GNL3L: variants seen among roughly 807,000 people sequenced by gnomAD.
The protein encoded by GNL3L is guanine nucleotide-binding protein-like 3-like protein.
In GNL3L, 4 loss-of-function variants were observed where a neutral mutation model predicts 42.9. That is an observed-to-expected ratio of 0.09 (90% CI 0.05 to 0.21). The LOEUF (loss-of-function observed/expected upper bound fraction) is 0.21, where lower values mean the gene tolerates loss of function less well. Ranked by LOEUF, GNL3L falls within the 10% of genes least tolerant of loss-of-function variation. GNL3L has a pLI of 1.00. For synonymous variants in GNL3L, 159 were observed against 176.3 expected, an observed-to-expected ratio of 0.90 and a Z score of 0.78; for missense variants, 412 against 481.7, an observed-to-expected ratio of 0.86 and a Z score of 1.36.
rs761656016 is a variant in GNL3L at position 54,617,570 on chromosome X, G to A, written c.*46-3275G>A. Among the ~76,000 whole-genome samples the A allele has an allele frequency of 1.5e-4, 17 of 112,019 alleles. No homozygotes were observed. In the South Asian group the frequency reaches 6.3e-3, roughly 42 times the overall value. On this transcript the variant is annotated intron_variant, in intron 16 of 16. Coordinates refer to the GNL3L transcript ENST00000674498. Reference sequence around the variant, plus strand: ...GCTTTCAGAAACTTCTCTGGTTGCTGGGGTCTGAATGTGTACTCCCTTCCC... The same window carrying A: ...GCTTTCAGAAACTTCTCTGGTTGCTAGGGTCTGAATGTGTACTCCCTTCCC...
At chrX:54,552,144 C>A in intron 12 of GNL3L, 148 bp from the exon 13 acceptor site, 2 of 773,022 alleles carry the variant, frequency 2.6e-6, no homozygotes, top group Non-Finnish European at 3.9e-6. Flanking sequence ...CAGTGATTAT[C>A]CAGCAACTCA....
At chrX:54,570,151 A>T (rs999117550), downstream of GNL3L, among the ~76,000 whole-genome samples, 2 of 111,860 alleles carry the variant, frequency 1.8e-5, no homozygotes, top group African/African-American at 6.5e-5. Flanking sequence ...AGAGAGGACT[A>T]TCGAAGTCCC....
rs1569542605 is a variant in GNL3L, at chrX:54,607,060, CTTTCTTTCTTTCTCTTTCTTTCTTCTT to C, written c.*46-13783_*46-13757del. ...TCTTTCTTTCTTTCTTTCTTTCTTT[CTTTCTTTCTTTCTCTTTCTTTCTTCTT>C]TCTTTCTTTCTTTCTTTCTTTCTTT... On this transcript the variant is annotated intron_variant, in intron 16 of 16. Coordinates refer to the GNL3L transcript ENST00000674498. Among the ~76,000 whole-genome samples the C allele has an allele frequency of 1.9e-3, 73 of 37,548 alleles. 3 individuals are homozygous for C. Among genetic ancestry groups the C allele is most frequent in the African/African-American group, 8.7e-3 (71 of 8,200 alleles). 32.6% of individuals were successfully genotyped at this position (37,548 alleles called of 115,157 possible).
intron 16 of GNL3L, among the ~76,000 whole-genome samples, chrX:54,607,068 CTTTCTCTTTCTTTCT>C (rs1926092058): frequency 7.8e-4 from 28 of 36,061 alleles, no homozygotes; most frequent in African/African-American, 3.4e-3. Context: ...TTCTTTCTTT[CTTTCTCTTTCTTTCT>C]TCTTTCTTTC....
chrX:54,643,004 CTTCCCATT>C, the GNL3L span, among the ~76,000 whole-genome samples: 1 of 112,061 alleles, frequency 8.9e-6, no homozygotes, highest in Non-Finnish European at 1.9e-5. Context: ...TTGTCTACAT[CTTCCCATT>C]TTCCATGCAT....
rs558411597 is a variant in GNL3L, at chrX:54,531,604, T to C, written c.-47-916T>C. Among the ~76,000 whole-genome samples the C allele has an allele frequency of 9.0e-5, 10 of 111,296 alleles. 1 individual carries two copies. The South Asian group carries it at 3.4e-3, about 38-fold the overall frequency. Reference sequence around the variant, plus strand: ...CTTCAACCAGCATAAAAGATGAAAGTTGTCACAGTCCACCTTCCATAGAAG... The same window carrying C: ...CTTCAACCAGCATAAAAGATGAAAGCTGTCACAGTCCACCTTCCATAGAAG... On this transcript the variant is annotated intron_variant, in intron 1 of 15. Coordinates refer to ENST00000360845, the MANE Select transcript of GNL3L (RefSeq NM_001184819.2).
intron 4 of GNL3L, among the ~76,000 whole-genome samples, chrX:54,541,066 C>T (rs1431002641): frequency 8.9e-6 from 1 of 111,799 alleles, no homozygotes. Flanking sequence ...GCTTTTTATA[C>T]CCTCTTTTCT....
chrX:54,643,814 T>C, the GNL3L span, among the ~76,000 whole-genome samples: 657 of 111,285 alleles, frequency 5.9e-3, 5 homozygotes, highest in African/African-American at 0.02. Flanking sequence ...ATCCTACTAC[T>C]CTCTACCTCC....
intron 16 of GNL3L, among the ~76,000 whole-genome samples, chrX:54,581,704 T>A (rs1297843950): frequency 8.9e-6 from 1 of 112,531 alleles, no homozygotes; most frequent in Non-Finnish European, 1.9e-5. Flanking sequence ...TTAGAGTAAT[T>A]CTTTGGAGAT....
intron 15 of GNL3L, among the ~76,000 whole-genome samples, chrX:54,559,745 T>C (rs1409413372): frequency 8.9e-6 from 1 of 111,828 alleles, no homozygotes; most frequent in East Asian, 2.8e-4. Context: ...AGACAACTTG[T>C]AGTTGATGGA....
downstream of GNL3L, among the ~76,000 whole-genome samples, chrX:54,571,946 A>AT (rs1013398779): frequency 3.7e-4 from 34 of 90,831 alleles, no homozygotes; most frequent in African/African-American, 9.3e-4. Context: ...GATTTTTTGG[A>AT]TTTTTTTTTT....
intron 16 of GNL3L, among the ~76,000 whole-genome samples, chrX:54,614,405 G>A (rs1206024040): frequency 9.0e-6 from 1 of 110,989 alleles, no homozygotes; most frequent in African/African-American, 3.3e-5. Flanking sequence ...CTGCACACCG[G>A]ATTTGCGCCC....
chrX:54,605,999 G>T (rs1926056335), intron 16 of GNL3L, among the ~76,000 whole-genome samples: 1 of 111,664 alleles, frequency 9.0e-6, no homozygotes, highest in Non-Finnish European at 1.9e-5. Flanking sequence ...ATTGGTTCTT[G>T]AAAGTACATT....
At chrX:54,537,275 C>T (rs1295986557) in intron 2 of GNL3L, among the ~76,000 whole-genome samples, 1 of 110,407 alleles carries the variant, frequency 9.1e-6, no homozygotes, top group Non-Finnish European at 1.9e-5. Flanking sequence ...CCTCCCACCT[C>T]AGCCTCCCAA....
At chrX:54,579,102 A>G (rs1010514311) in intron 16 of GNL3L, among the ~76,000 whole-genome samples, 5 of 111,996 alleles carry the variant, frequency 4.5e-5, no homozygotes, top group African/African-American at 1.6e-4. Context: ...AATTATTTAT[A>G]TATTCTACAT....
intron 16 of GNL3L, among the ~76,000 whole-genome samples, chrX:54,607,048 CTT>C (rs1394823834): frequency 2.0e-3 from 124 of 61,246 alleles, no homozygotes; most frequent in Non-Finnish European, 3.0e-3. Flanking sequence ...TTCTTTCTTT[CTT>C]TCTTTCTTTC....
chrX:54,617,872 A>C, intron 16 of GNL3L, among the ~76,000 whole-genome samples: 1 of 111,635 alleles, frequency 9.0e-6, no homozygotes, highest in East Asian at 2.8e-4. Flanking sequence ...TGTTATTTAT[A>C]AGCTATCCAG....
chrX:54,626,092 C>T (rs184071303), downstream of GNL3L, among the ~76,000 whole-genome samples: 1 of 111,154 alleles, frequency 9.0e-6, no homozygotes, highest in East Asian at 2.8e-4. Flanking sequence ...GTAGTTTAAC[C>T]ATATTAATTC....
rs1006156571 is a variant in GNL3L, at chrX:54,565,451, A to G, written c.*4849A>G. On this transcript the variant is annotated 3_prime_UTR_variant, in exon 16 of 16. Coordinates refer to ENST00000360845, the MANE Select transcript of GNL3L (RefSeq NM_001184819.2). ...AAAGTTTCATTTCCACATCCTCTCT[A>G]GTACTTGGGGGTGTCAGTTTAGTTT... Among the ~76,000 whole-genome samples the G allele has an allele frequency of 8.9e-6, 1 of 111,926 alleles. No individual in the cohort carries two copies. The highest frequency in any genetic ancestry group is 1.9e-5 in the Non-Finnish European group (1 of 53,204).
Sources: gnomAD v4.1 joint callset for allele counts (sites outside exome capture counted in the v4.1 genomes callset) on GRCh38, gnomAD v4.1.1 for gene constraint, MANE v1.5 for transcripts, NCBI Gene and HGNC (gene_info 2026-07-23, HGNC 2026-07-21) for gene names.